The following TEAD1 variants were observed in gnomAD, a reference collection of about 807,000 sequenced individuals.
TEAD1 encodes the protein TEA domain transcription factor 1, also known as transcriptional enhancer factor TEF-1.
In TEAD1, 9 loss-of-function variants were observed where a neutral mutation model predicts 54.9. That is an observed-to-expected ratio of 0.16 (90% CI 0.10 to 0.29). The LOEUF (loss-of-function observed/expected upper bound fraction) is 0.29. TEAD1 is among the 10% of genes least tolerant of loss of function. The pLI, the probability that TEAD1 is intolerant of heterozygous loss-of-function variation, is 1.00. For missense variants in TEAD1, 387 were observed against 535.9 expected (o/e 0.72, Z 2.74); for synonymous variants, 200 against 187.8 (o/e 1.07, Z -0.53).
At chr11:12,828,261 G>A (rs1057101084) in intron 3 of TEAD1, 7 of 152,224 alleles carry the variant, frequency 4.6e-5, no homozygotes, top group African/African-American at 1.7e-4. Context: ...GCAGCCCGCT[G>A]AAACAATTGC....
At chr11:12,772,651 T>G (rs1248846848) in intron 3 of TEAD1, among the ~76,000 whole-genome samples, 1 of 152,198 alleles carries the variant, frequency 6.6e-6, no homozygotes, top group African/African-American at 2.4e-5. Context: ...TAGATTCACA[T>G]GCAATGGTAA....
chr11:12,819,983 C>T (rs751511064), intron 3 of TEAD1, among the ~76,000 whole-genome samples: 12 of 103,358 alleles, frequency 1.2e-4, no homozygotes, highest in Non-Finnish European at 1.7e-4. Context: ...ACAGAATGGG[C>T]TGGGTGGGCA....
At chr11:12,899,470 T>C (rs1407152272) in intron 9 of TEAD1, among the ~76,000 whole-genome samples, 1 of 152,104 alleles carries the variant, frequency 6.6e-6, no homozygotes, top group Admixed American at 6.5e-5. Flanking sequence ...GTCTCATACA[T>C]TTCCATGGGC....
chr11:12,716,339 G>A (rs1944061955), intron 2 of TEAD1, among the ~76,000 whole-genome samples: 1 of 152,082 alleles, frequency 6.6e-6, no homozygotes. Flanking sequence ...AGTTCACGGG[G>A]GGGTTCCTGC....
At chr11:12,901,133 C>T (rs1948419643) in intron 9 of TEAD1, among the ~76,000 whole-genome samples, 1 of 152,190 alleles carries the variant, frequency 6.6e-6, no homozygotes, top group Admixed American at 6.5e-5. Flanking sequence ...CTTGGGTATT[C>T]TGATGTAGCC....
rs1378330549 is a variant in TEAD1 at position 12,761,848 on chromosome 11, G to A, written c.-54-2331G>A. Among the ~76,000 whole-genome samples the A allele has an allele frequency of 2.6e-5, 4 of 152,308 alleles. No homozygotes were observed. In the East Asian group the frequency reaches 5.8e-4, roughly 22 times the overall value. On this transcript the variant is annotated intron_variant, in intron 2 of 12. Coordinates refer to ENST00000527636, the MANE Select transcript of TEAD1 (RefSeq NM_021961.6). ...TTTCAACATGTCAGTATGAAGCGGG[G>A]TAGTACTGAGAAGGTAATGAGTTCC...
intron 3 of TEAD1, among the ~76,000 whole-genome samples, chr11:12,825,329 A>G (rs1399007730): frequency 6.6e-6 from 1 of 152,246 alleles, no homozygotes; most frequent in Non-Finnish European, 1.5e-5. Context: ...GAAAACCTAA[A>G]GGAACACATG....
chr11:12,934,361 G>C (rs966290209), intron 12 of TEAD1, among the ~76,000 whole-genome samples: 1 of 152,068 alleles, frequency 6.6e-6, no homozygotes, highest in Non-Finnish European at 1.5e-5. Context: ...ACACAGGAAG[G>C]GGAACATCAC....
chr11:12,744,198 T>TA (rs1944702009), intron 2 of TEAD1, among the ~76,000 whole-genome samples: 1 of 152,216 alleles, frequency 6.6e-6, no homozygotes, highest in Non-Finnish European at 1.5e-5. Context: ...TTTCAGAAAA[T>TA]ACTGTGTATA....
At position 12,765,863 on chromosome 11, in the gene TEAD1, C is replaced by A. The variant is rs182291175; in HGVS notation, c.202+1429C>A. On this transcript the variant is annotated intron_variant, in intron 3 of 12. Transcript: ENST00000527636. ...CTACTATGGGAAGAGTGTTTCAGGG[C>A]CCTAGATTTTCTCTATGTCTGGATC... Among the ~76,000 whole-genome samples the A allele has an allele frequency of 4.6e-5, 7 of 152,252 alleles. No homozygotes were observed. The East Asian group carries it at 9.6e-4, about 21-fold the overall frequency.
intron 3 of TEAD1, among the ~76,000 whole-genome samples, chr11:12,847,840 A>G (rs1947187988): frequency 6.6e-6 from 1 of 152,184 alleles, no homozygotes; most frequent in Non-Finnish European, 1.5e-5. Context: ...TAAAAGGAGA[A>G]GAAAAACCAA....
At chr11:12,834,070 C>G (rs934959869) in intron 3 of TEAD1, among the ~76,000 whole-genome samples, 23 of 152,290 alleles carry the variant, frequency 1.5e-4, no homozygotes, top group African/African-American at 5.1e-4. Flanking sequence ...AGAGAGATGA[C>G]TTGGATCAAA....
At chr11:12,810,900 C>G (rs973863644) in intron 3 of TEAD1, among the ~76,000 whole-genome samples, 1 of 152,148 alleles carries the variant, frequency 6.6e-6, no homozygotes, top group African/African-American at 2.4e-5. Flanking sequence ...TTCATCTCAG[C>G]CTGTGAGGCT....
At chr11:12,892,134 C>T (rs1201207037) in intron 9 of TEAD1, among the ~76,000 whole-genome samples, 2 of 152,020 alleles carry the variant, frequency 1.3e-5, no homozygotes, top group Non-Finnish European at 2.9e-5. Context: ...AAACGTGGGC[C>T]CAAGGATGAT....
chr11:12,883,724 G>T (rs1028883062), intron 9 of TEAD1, among the ~76,000 whole-genome samples: 1 of 152,128 alleles, frequency 6.6e-6, no homozygotes, highest in Non-Finnish European at 1.5e-5. Flanking sequence ...AACTTCTTAA[G>T]AAGAAGTGGC....
At chr11:12,727,237 A>G (rs1028087693) in intron 2 of TEAD1, among the ~76,000 whole-genome samples, 9 of 152,160 alleles carry the variant, frequency 5.9e-5, no homozygotes, top group East Asian at 3.9e-4. Flanking sequence ...AAAAACAACA[A>G]CAAAAAATGA....
rs928555642 is a variant in TEAD1, at chr11:12,795,688, CT to C, written c.202+31261del. ...TGGCAACATCAGCATCACCTGAGAG[CT>C]TTTTTTGGAAATGCAGAGTCTCAGG... On this transcript the variant is annotated intron_variant, in intron 3 of 12. Transcript: ENST00000527636. 9.2e-5 allele frequency among the ~76,000 whole-genome samples: 14 copies of C among 152,226 alleles called. No homozygotes were observed. The South Asian group carries it at 1.2e-3, about 14-fold the overall frequency.
intron 2 of TEAD1, among the ~76,000 whole-genome samples, chr11:12,731,737 A>G (rs1301365954): frequency 6.6e-6 from 1 of 152,112 alleles, no homozygotes; most frequent in African/African-American, 2.4e-5. Context: ...TCCATTACCT[A>G]TTCCTAGAAA....
At chr11:12,923,511 T>G (rs12792409) in intron 10 of TEAD1, among the ~76,000 whole-genome samples, 42,279 of 152,016 alleles carry the variant, frequency 0.28, 6,376 homozygotes, top group East Asian at 0.4. Context: ...GCTTTTGCTT[T>G]TTTTATCCGC....
Sources: gnomAD v4.1 joint callset for allele counts (sites outside exome capture counted in the v4.1 genomes callset) on GRCh38, gnomAD v4.1.1 for gene constraint, MANE v1.5 for transcripts, NCBI Gene and HGNC (gene_info 2026-07-23, HGNC 2026-07-21) for gene names.